CBLB: variants seen among roughly 807,000 people sequenced by gnomAD.
The protein encoded by CBLB is E3 ubiquitin-protein ligase CBL-B.
CBLB carries 31 observed loss-of-function variants against 104.9 expected under a neutral mutation model. The ratio of observed to expected loss-of-function variants is 0.30; its 90% CI spans 0.22 to 0.40. The LOEUF is 0.40. Among genes scored for constraint, CBLB ranks in the 10% least tolerant of loss-of-function variants. The probability of loss-of-function intolerance (pLI) is 1.00; values close to 1 mark genes in which losing one functional copy is unlikely to be tolerated. For missense variants in CBLB, 1,062 were observed against 1,214.6 expected (o/e 0.87, Z 1.87); for synonymous variants, 440 against 422.6 (o/e 1.04, Z -0.51).
intron 3 of CBLB, among the ~76,000 whole-genome samples, chr3:105,843,663 C>T (rs2055559): frequency 0.91 from 138,839 of 152,210 alleles, 63,609 homozygotes; most frequent in Non-Finnish European, 0.96. Flanking sequence ...TTGGGAAATG[C>T]AGAATATGCC....
chr3:105,861,136 CAA>C lies in CBLB; in HGVS notation c.168+6272_168+6273del, dbSNP rs367546523. Among the ~76,000 whole-genome samples the C allele has an allele frequency of 2.2e-3, 307 of 138,672 alleles. 2 individuals are homozygous for C. In the East Asian group the frequency reaches 0.039, roughly 18 times the overall value. 91.0% of individuals were successfully genotyped at this position (138,672 alleles called of 152,430 possible). A position where few individuals can be genotyped will look rare whatever the true frequency, so the allele number is the denominator to read the frequency against. On this transcript the variant is annotated intron_variant, in intron 2 of 18. Coordinates refer to ENST00000394030, the MANE Select transcript of CBLB (RefSeq NM_170662.5). ...TTAGCAACCTACAAATACTTAAAAA[CAA>C]AAAAAACCTTTAGTAAAATTGTAAT...
intron 18 of CBLB, among the ~76,000 whole-genome samples, chr3:105,665,596 CAA>C (rs1457144126): frequency 4.1e-5 from 6 of 145,648 alleles, no homozygotes; most frequent in Non-Finnish European, 6.0e-5. Context: ...ATTTGTATAA[CAA>C]TATCAAATAT....
rs144569869 is a variant in CBLB, at chr3:105,726,138, C to T, written c.1204-5888G>A. Reference sequence around the variant, plus strand: ...TGCTGGGATTACAGGTGTGAGCAACCGCGCCTGGCCAAAGATTATTTCTTA... The same window carrying T: ...TGCTGGGATTACAGGTGTGAGCAACTGCGCCTGGCCAAAGATTATTTCTTA... On this transcript the variant is annotated intron_variant, in intron 9 of 18. Transcript: ENST00000394030. 2.1e-3 allele frequency among the ~76,000 whole-genome samples: 317 copies of T among 152,180 alleles called. 4 individuals are homozygous for T. The highest frequency in any genetic ancestry group is 7.2e-3 in the African/African-American group (297 of 41,476).
At chr3:105,711,571 C>A (rs1251125598) in intron 10 of CBLB, among the ~76,000 whole-genome samples, 1 of 151,948 alleles carries the variant, frequency 6.6e-6, no homozygotes, top group Non-Finnish European at 1.5e-5. Context: ...TTTTAGAGTA[C>A]CTCCACAGAT....
chr3:105,695,492 G>A (rs1460575430), intron 12 of CBLB, among the ~76,000 whole-genome samples: 1 of 151,710 alleles, frequency 6.6e-6, no homozygotes, highest in East Asian at 1.9e-4. Flanking sequence ...AGTCATACAG[G>A]CAATGATGTC....
At chr3:105,817,431 A>T (rs1223261338) in intron 3 of CBLB, among the ~76,000 whole-genome samples, 1 of 152,174 alleles carries the variant, frequency 6.6e-6, no homozygotes, top group East Asian at 1.9e-4. Flanking sequence ...GGGTGACTTG[A>T]AGCTTGAGGA....
At chr3:105,792,575 C>G (rs1482595408) in intron 3 of CBLB, among the ~76,000 whole-genome samples, 1 of 152,168 alleles carries the variant, frequency 6.6e-6, no homozygotes, top group Non-Finnish European at 1.5e-5. Flanking sequence ...ACTGATAATT[C>G]CCTCATCACC....
chr3:105,854,799 A>G (rs1325160443), intron 2 of CBLB, among the ~76,000 whole-genome samples: 1 of 151,816 alleles, frequency 6.6e-6, no homozygotes, highest in Non-Finnish European at 1.5e-5. Flanking sequence ...CACCTGGCTA[A>G]TTTTTATATT....
chr3:105,795,579 CATGA>C (rs1350986907), intron 3 of CBLB, among the ~76,000 whole-genome samples: 6 of 152,194 alleles, frequency 3.9e-5, no homozygotes, highest in Non-Finnish European at 8.8e-5. Context: ...AACACAAGCT[CATGA>C]CCACAGGAGA....
upstream of CBLB, chr3:105,869,052 C>T: frequency 1.4e-5 from 4 of 287,428 alleles, no homozygotes; most frequent in Non-Finnish European, 2.6e-5. Flanking sequence ...AGGCTCGGGG[C>T]GGGGCGGGGC....
intron 8 of CBLB, among the ~76,000 whole-genome samples, chr3:105,736,662 T>C (rs190444380): frequency 2.0e-5 from 3 of 152,260 alleles, no homozygotes; most frequent in East Asian, 3.9e-4. Flanking sequence ...ATCTATTACA[T>C]ATATAGAATT....
At chr3:105,834,133 G>A (rs2088032824) in intron 3 of CBLB, among the ~76,000 whole-genome samples, 1 of 151,806 alleles carries the variant, frequency 6.6e-6, no homozygotes, top group Non-Finnish European at 1.5e-5. Context: ...TTGGTCAAAG[G>A]ATACGAAATT....
At chr3:105,799,210 A>G (rs1171973662) in intron 3 of CBLB, among the ~76,000 whole-genome samples, 9 of 151,578 alleles carry the variant, frequency 5.9e-5, no homozygotes, top group African/African-American at 4.8e-5. Context: ...CCCTGCAGTT[A>G]AGAAAATGAA....
chr3:105,757,624 C>A (rs2077202987), intron 4 of CBLB, among the ~76,000 whole-genome samples: 1 of 152,126 alleles, frequency 6.6e-6, no homozygotes, highest in African/African-American at 2.4e-5. Flanking sequence ...CATTAAACTT[C>A]AATCATATAT....
rs1299192674 is a variant in CBLB at position 105,696,983 on chromosome 3, G to A, written c.1960-3395C>T. Among the ~76,000 whole-genome samples the A allele has an allele frequency of 2.0e-5, 3 of 151,876 alleles. No individual in the cohort carries two copies. In the South Asian group the frequency reaches 6.2e-4, roughly 31 times the overall value. On this transcript the variant is annotated intron_variant, in intron 12 of 18. Transcript: ENST00000394030. Reference sequence around the variant, plus strand: ...ATAGCCAGTGACCCTCTTGCATGAAGCTTTCTTTATTCCTTTTTCAGTCCT... The same window carrying A: ...ATAGCCAGTGACCCTCTTGCATGAAACTTTCTTTATTCCTTTTTCAGTCCT...
At chr3:105,766,547 G>T (rs1430084538) in intron 4 of CBLB, among the ~76,000 whole-genome samples, 2 of 152,176 alleles carry the variant, frequency 1.3e-5, no homozygotes, top group African/African-American at 4.8e-5. Context: ...TCAGTCAATA[G>T]CCATGAACAT....
chr3:105,671,974 T>C (rs1168917118), intron 17 of CBLB: 1 of 191,520 alleles, frequency 5.2e-6, no homozygotes, highest in African/African-American at 2.3e-5. Flanking sequence ...AGGAAACAAA[T>C]ATGGTGATTT....
At position 105,656,109 on chromosome 3, in the gene CBLB, G is replaced by T. The variant is rs865989824; in HGVS notation, c.*2861C>A. On this transcript the variant is annotated 3_prime_UTR_variant, in exon 19 of 19. Transcript: ENST00000394030. The stretch of plus-strand genomic sequence containing the variant: ...ATTCAATTCTAGAAAAATTTGGTGA[G>T]ATATATCATACATTAGGGGATAAAA... 9.9e-5 allele frequency: 22 copies of T among 221,990 alleles called. No individual in the cohort carries two copies. Among genetic ancestry groups the T allele is most frequent in the East Asian group, 1.3e-4 (2 of 15,300 alleles). The allele number at this position is 221,990 out of a possible 1,614,324, so 13.8% of individuals were successfully genotyped here.
chr3:105,684,557 CTT>C (rs71627686), intron 14 of CBLB, among the ~76,000 whole-genome samples: 327 of 146,706 alleles, frequency 2.2e-3, no homozygotes, highest in Middle Eastern at 3.5e-3. Flanking sequence ...TCCACACATT[CTT>C]TTTTTTTTTT....
Sources: allele counts gnomAD v4.1 joint callset (sites outside exome capture counted in the v4.1 genomes callset), GRCh38; gene constraint gnomAD v4.1.1; transcripts MANE v1.5; gene names NCBI Gene and HGNC (gene_info 2026-07-23, HGNC 2026-07-21).